The following PRH1 variants were observed in gnomAD, a reference collection of about 807,000 sequenced individuals.
The protein encoded by PRH1 is proline rich protein HaeIII subfamily 1.
PRH1 carries 7 observed loss-of-function variants against 7.9 expected under a neutral mutation model. That is an observed-to-expected ratio of 0.89 (90% CI 0.50 to 1.67). PRH1 has a LOEUF of 1.67. Among genes scored for constraint, PRH1 ranks in the 40% most tolerant of loss-of-function variants. The probability of loss-of-function intolerance (pLI) is 0.00; values close to 1 mark genes in which losing one functional copy is unlikely to be tolerated. For missense variants in PRH1, 109 were observed against 223.6 expected (o/e 0.49, Z 3.27); for synonymous variants, 45 against 80.8 (o/e 0.56, Z 2.38).
At position 11,065,902 on chromosome 12, in the gene PRH1, C is replaced by T. The variant is rs113088205; in HGVS notation, n.124-18714G>A. 4.5e-3 allele frequency among the ~76,000 whole-genome samples: 678 copies of T among 152,282 alleles called. 5 individuals are homozygous for T. Among genetic ancestry groups the T allele is most frequent in the African/African-American group, 0.015 (629 of 41,550 alleles). The stretch of plus-strand genomic sequence containing the variant: ...AGTAGCTTGTCTGTTGCTGGGTCAT[C>T]ACCACAAACTCTCCTCACAGGGAAA... On this transcript the variant is annotated intron_variant and non_coding_transcript_variant, in intron 1 of 4. Transcript: ENST00000541977.
chr12:11,111,188 C>T (rs924517482), intron 1 of PRH1, among the ~76,000 whole-genome samples: 2 of 152,106 alleles, frequency 1.3e-5, no homozygotes, highest in African/African-American at 4.8e-5. Flanking sequence ...ACTTAGACTC[C>T]CACACAATAA....
chr12:10,978,530 C>A (rs964295930), intron 1 of PRH1, among the ~76,000 whole-genome samples: 1 of 152,042 alleles, frequency 6.6e-6, no homozygotes, highest in Admixed American at 6.6e-5. Context: ...GAGTTCATGA[C>A]AAAGATGCCA....
intron 1 of PRH1, among the ~76,000 whole-genome samples, chr12:11,106,858 C>G (rs1042721021): frequency 6.6e-6 from 1 of 151,968 alleles, no homozygotes; most frequent in Non-Finnish European, 1.5e-5. Flanking sequence ...ATAATATTCT[C>G]TTCAGGTAGT....
intron 2 of PRH1, among the ~76,000 whole-genome samples, chr12:10,936,075 G>A (rs1950283332): frequency 6.6e-6 from 1 of 151,908 alleles, no homozygotes; most frequent in South Asian, 2.1e-4. Flanking sequence ...CAGAACCTAG[G>A]CTCCAGGAAA....
At chr12:11,018,692 T>C (rs1271731620) in intron 1 of PRH1, among the ~76,000 whole-genome samples, 1 of 152,210 alleles carries the variant, frequency 6.6e-6, no homozygotes, top group Non-Finnish European at 1.5e-5. Flanking sequence ...GAACGTTTTA[T>C]AAAGTAGGGA....
chr12:10,994,653 C>CTGA (rs35875890), intron 1 of PRH1, among the ~76,000 whole-genome samples: 98,903 of 151,682 alleles, frequency 0.65, 34,164 homozygotes, highest in East Asian at 0.96. Flanking sequence ...TTCTAGACCC[C>CTGA]TGATAAGATA....
chr12:10,942,922 A>G (rs10845250), intron 2 of PRH1, among the ~76,000 whole-genome samples: 42,838 of 152,016 alleles, frequency 0.28, 6,237 homozygotes, highest in African/African-American at 0.33. Context: ...TCTCTAAATT[A>G]ACTCAGCTCC....
At chr12:10,898,358 GA>G (rs1353741440) in intron 2 of PRH1, among the ~76,000 whole-genome samples, 1 of 152,016 alleles carries the variant, frequency 6.6e-6, no homozygotes, top group African/African-American at 2.4e-5. Flanking sequence ...AATTCACAAA[GA>G]AAACTCCATG....
At chr12:11,058,166 G>A (rs942931855) in intron 1 of PRH1, among the ~76,000 whole-genome samples, 3 of 152,088 alleles carry the variant, frequency 2.0e-5, no homozygotes, top group Non-Finnish European at 4.4e-5. Flanking sequence ...AGCCCAGAAG[G>A]TTGAGGCTGC....
chr12:11,050,376 G>A (rs939993646), upstream of PRH1, among the ~76,000 whole-genome samples: 7 of 152,162 alleles, frequency 4.6e-5, no homozygotes, highest in East Asian at 7.7e-4. Context: ...GGTGCAGATC[G>A]CTCATGCTAT....
chr12:10,968,376 C>T (rs1354964560), intron 2 of PRH1, among the ~76,000 whole-genome samples: 1 of 152,054 alleles, frequency 6.6e-6, no homozygotes, highest in African/African-American at 2.4e-5. Flanking sequence ...TAGGCATTAT[C>T]CAATTTATGA....
At chr12:11,007,357 A>C (rs181604236) in intron 1 of PRH1, among the ~76,000 whole-genome samples, 1 of 152,118 alleles carries the variant, frequency 6.6e-6, no homozygotes, top group African/African-American at 2.4e-5. Flanking sequence ...TAATTTAAAA[A>C]AATGAAAAAA....
At chr12:11,067,881 T>G (rs1355542158) in intron 1 of PRH1, among the ~76,000 whole-genome samples, 6 of 152,104 alleles carry the variant, frequency 3.9e-5, no homozygotes, top group Non-Finnish European at 7.4e-5. Flanking sequence ...AAGAAAAATT[T>G]TAAATTTTAA....
intron 1 of PRH1, among the ~76,000 whole-genome samples, chr12:11,035,703 T>C (rs933490820): frequency 1.3e-5 from 2 of 152,168 alleles, no homozygotes; most frequent in African/African-American, 4.8e-5. Context: ...AAACTGGAAA[T>C]TGATTTGATG....
chr12:10,943,508 T>C (rs1412237212), intron 2 of PRH1, among the ~76,000 whole-genome samples: 1 of 152,166 alleles, frequency 6.6e-6, no homozygotes, highest in East Asian at 1.9e-4. Flanking sequence ...ATATTTTCTT[T>C]CATTCTGTAG....
rs559889092 is a variant in PRH1 at position 11,160,755 on chromosome 12, G to A, written n.39+10667C>T. Among the ~76,000 whole-genome samples, 13 of 152,214 alleles carry A rather than the reference G, an allele frequency of 8.5e-5. No individual in the cohort carries two copies. In the South Asian group the frequency reaches 2.1e-3, roughly 24 times the overall value. ...CCAAAAGTGCTGGGATTACAGGTGT[G>A]AGCCACCACGCCTGGCCCTGGAATT... On this transcript the variant is annotated intron_variant and non_coding_transcript_variant, in intron 1 of 1. Transcript: ENST00000541175.
At chr12:10,917,534 G>GT (rs1191729410) in intron 2 of PRH1, among the ~76,000 whole-genome samples, 3 of 152,084 alleles carry the variant, frequency 2.0e-5, no homozygotes, top group African/African-American at 7.2e-5. Context: ...AAATATTTTA[G>GT]TTTTTTATAA....
intron 1 of PRH1, among the ~76,000 whole-genome samples, chr12:11,151,555 T>C (rs1947084354): frequency 6.6e-6 from 1 of 152,206 alleles, no homozygotes; most frequent in African/African-American, 2.4e-5. Context: ...ATATGTCTTG[T>C]ATTTGCTCTC....
intron 1 of PRH1, among the ~76,000 whole-genome samples, chr12:10,982,556 C>T (rs1244901240): frequency 1.3e-5 from 2 of 152,170 alleles, no homozygotes; most frequent in African/African-American, 2.4e-5. Context: ...GTGGTAAAAA[C>T]AAGAACACTG....
Sources: gnomAD v4.1 joint callset for allele counts (sites outside exome capture counted in the v4.1 genomes callset) on GRCh38, gnomAD v4.1.1 for gene constraint, MANE v1.5 for transcripts, NCBI Gene and HGNC (gene_info 2026-07-23, HGNC 2026-07-21) for gene names.